The following NHS variants were observed in gnomAD, a reference collection of about 807,000 sequenced individuals.
The protein encoded by NHS is actin remodeling regulator NHS.
Under a neutral mutation model 72.5 loss-of-function variants are expected in NHS, and 5 were observed. The observed-to-expected ratio is 0.07, with a 90% CI of 0.04 to 0.14. NHS has a LOEUF of 0.14. Among genes scored for constraint, NHS ranks in the 10% least tolerant of loss-of-function variants. The pLI, the probability that NHS is intolerant of heterozygous loss-of-function variation, is 1.00. For missense variants in NHS, 1,072 were observed against 1,355.7 expected (o/e 0.79, Z 3.29); for synonymous variants, 464 against 547.7 (o/e 0.85, Z 2.13).
chrX:17,518,104 C>G lies in NHS; in HGVS notation c.565+141782C>G, dbSNP rs115092854. Reference sequence around the variant, plus strand: ...CAGCTCTCTCCTGTCTCCTTCACTCCAGGACTGGGGCTGATGGGATTGGTC... The same window carrying G: ...CAGCTCTCTCCTGTCTCCTTCACTCGAGGACTGGGGCTGATGGGATTGGTC... On this transcript the variant is annotated intron_variant, in intron 1 of 8. Coordinates refer to ENST00000676302, the MANE Select transcript of NHS (RefSeq NM_001291867.2). 7.8e-3 allele frequency among the ~76,000 whole-genome samples: 872 copies of G among 112,012 alleles called. 5 individuals are homozygous for G. The highest frequency in any genetic ancestry group is 0.027 in the African/African-American group (838 of 30,826).
chrX:17,727,477 G>A lies in NHS; in HGVS notation c.3371G>A (p.Arg1124Lys), dbSNP rs149928253. The A allele has an allele frequency of 5.8e-6, 7 of 1,209,326 alleles. No individual in the cohort carries two copies. Among genetic ancestry groups the A allele is most frequent in the Admixed American group, 4.4e-5 (2 of 45,763 alleles). The change falls in exon 7 of 9, where the codon AGG becomes AAG. Residue 1124 changes from arginine to lysine, a missense_variant. Transcript: ENST00000676302. ...CAGAACACAGTAGGAGAAACACTGAGGTCGAATCCTCCACCGTCCCTTGCA... is the reference window on the plus strand; with the variant it reads ...CAGAACACAGTAGGAGAAACACTGAAGTCGAATCCTCCACCGTCCCTTGCA... ...NKQNTVGETL[R>K]SNPPPSLAIT... is the part of the protein sequence containing the mutation.
chrX:17,540,597 G>A (rs191007511), intron 1 of NHS, among the ~76,000 whole-genome samples: 2 of 111,982 alleles, frequency 1.8e-5, no homozygotes, highest in Admixed American at 1.9e-4. Flanking sequence ...GTGGAGAGAG[G>A]GTGGGCAGAA....
intron 1 of NHS, among the ~76,000 whole-genome samples, chrX:17,538,554 T>A (rs988156508): frequency 1.8e-5 from 2 of 111,771 alleles, no homozygotes; most frequent in Non-Finnish European, 3.8e-5. Context: ...TGCCCTTTGC[T>A]GATTGCTCCC....
At chrX:17,520,848 G>C (rs2065144723) in intron 1 of NHS, among the ~76,000 whole-genome samples, 1 of 110,796 alleles carries the variant, frequency 9.0e-6, no homozygotes, top group Non-Finnish European at 1.9e-5. Context: ...TTATTTACAG[G>C]TGTATTTTAG....
At chrX:17,475,272 A>C (rs761751826) in intron 1 of NHS, among the ~76,000 whole-genome samples, 30 of 112,717 alleles carry the variant, frequency 2.7e-4, no homozygotes, top group African/African-American at 8.7e-4. Context: ...TGCCCAGATC[A>C]ATTTAGAAAG....
intron 1 of NHS, among the ~76,000 whole-genome samples, chrX:17,549,760 C>T (rs1238124399): frequency 9.0e-6 from 1 of 111,181 alleles, no homozygotes; most frequent in Non-Finnish European, 1.9e-5. Context: ...CCAGAGAAAA[C>T]AGCTGGGGGA....
intron 1 of NHS, among the ~76,000 whole-genome samples, chrX:17,535,464 C>T (rs1347631882): frequency 8.9e-6 from 1 of 111,900 alleles, no homozygotes; most frequent in East Asian, 2.8e-4. Flanking sequence ...AGATATTTCT[C>T]GTCTGCTCTA....
chrX:17,635,279 G>A (rs1371438212), intron 1 of NHS: 20 of 1,043,710 alleles, frequency 1.9e-5, no homozygotes, highest in Non-Finnish European at 2.4e-5. Flanking sequence ...GTGTGTCCAG[G>A]CTGCCCTGGA....
At chrX:17,599,800 C>T (rs1361338428) in intron 1 of NHS, among the ~76,000 whole-genome samples, 2 of 111,025 alleles carry the variant, frequency 1.8e-5, no homozygotes, top group African/African-American at 3.3e-5. Context: ...AAAGTCAAAA[C>T]CACCAGTTGA....
intron 1 of NHS, among the ~76,000 whole-genome samples, chrX:17,662,076 C>G (rs1283023004): frequency 9.0e-6 from 1 of 111,556 alleles, no homozygotes; most frequent in Non-Finnish European, 1.9e-5. Flanking sequence ...GATATGCTTC[C>G]CACACCCCAA....
rs550252572 is a variant in NHS at position 17,576,691 on chromosome X, G to A, written c.566-111051G>A. Among the ~76,000 whole-genome samples the A allele has an allele frequency of 1.7e-4, 19 of 111,861 alleles. No homozygotes were observed. The South Asian group carries it at 4.9e-3, about 29-fold the overall frequency. On this transcript the variant is annotated intron_variant, in intron 1 of 8. Coordinates refer to ENST00000676302, the MANE Select transcript of NHS (RefSeq NM_001291867.2). ...ACCCAAGAGGATAAATAAACGTGTC[G>A]CAGGTGCCATTAAGAAAACACATCT...
intron 2 of NHS, among the ~76,000 whole-genome samples, chrX:17,688,373 A>G (rs1219702673): frequency 1.8e-5 from 2 of 112,185 alleles, no homozygotes; most frequent in African/African-American, 3.2e-5. Context: ...ACTCATAAAT[A>G]GGCACTAGGT....
At chrX:17,687,013 G>A (rs2066166121) in intron 1 of NHS, 1 of 112,397 alleles carries the variant, frequency 8.9e-6, no homozygotes, top group African/African-American at 3.2e-5. Flanking sequence ...TAAATGCTGT[G>A]TTTGGGGGAA....
chrX:17,541,767 AACACACACACACACACACAC>A (rs57700886), intron 1 of NHS, among the ~76,000 whole-genome samples: 635 of 62,916 alleles, frequency 0.01, 5 homozygotes, highest in South Asian at 0.097. Context: ...TGAGTTTGCG[AACACACACACACACACACAC>A]ACACACACAC....
At position 17,424,533 on chromosome X, in the gene NHS, C is replaced by T. The variant is rs145301543; in HGVS notation, c.565+48211C>T. Among the ~76,000 whole-genome samples the T allele has an allele frequency of 1.4e-3, 152 of 111,851 alleles. 2 individuals are homozygous for T. Among genetic ancestry groups the T allele is most frequent in the Admixed American group, 0.01 (107 of 10,566 alleles). On this transcript the variant is annotated intron_variant, in intron 1 of 8. Coordinates refer to ENST00000676302, the MANE Select transcript of NHS (RefSeq NM_001291867.2). ...GGGCCGTGTGGAGAAGCATGTCCAC[C>T]GCTCTTGCCCCGGTGGCTTCTTTAG... is the stretch of plus-strand genomic sequence containing the variant.
At chrX:17,470,063 G>A (rs1254700809) in intron 1 of NHS, among the ~76,000 whole-genome samples, 4 of 111,307 alleles carry the variant, frequency 3.6e-5, no homozygotes. Flanking sequence ...GTGGATTGAT[G>A]TACGTGGGGG....
chrX:17,475,909 CATT>C (rs1347611592), intron 1 of NHS, among the ~76,000 whole-genome samples: 1 of 111,790 alleles, frequency 8.9e-6, no homozygotes, highest in Non-Finnish European at 1.9e-5. Context: ...AGAGAAATCT[CATT>C]ATTTCTGATT....
intron 1 of NHS, among the ~76,000 whole-genome samples, chrX:17,650,375 C>T (rs777013354): frequency 2.6e-4 from 29 of 112,595 alleles, no homozygotes; most frequent in Middle Eastern, 4.6e-3. Flanking sequence ...CAATGAAAGA[C>T]GTAGAGAAAA....
At chrX:17,415,368 T>G (rs1375664501) in intron 1 of NHS, among the ~76,000 whole-genome samples, 1 of 111,482 alleles carries the variant, frequency 9.0e-6, no homozygotes, top group Non-Finnish European at 1.9e-5. Context: ...CATTTACTTC[T>G]GACTGAGTGC....
Sources: gnomAD v4.1 joint callset for allele counts (sites outside exome capture counted in the v4.1 genomes callset) on GRCh38, gnomAD v4.1.1 for gene constraint, MANE v1.5 for transcripts, NCBI Gene and HGNC (gene_info 2026-07-23, HGNC 2026-07-21) for gene names.